Variants in SORCS1 observed in about 807,000 individuals in gnomAD.
The protein encoded by SORCS1 is VPS10 domain-containing receptor SorCS1.
Under a neutral mutation model 146.1 loss-of-function variants are expected in SORCS1, and 60 were observed. The ratio of observed to expected loss-of-function variants is 0.41; its 90% CI spans 0.33 to 0.51. The LOEUF is 0.51. Among genes scored for constraint, SORCS1 ranks in the 20% least tolerant of loss-of-function variants. SORCS1 has a pLI of 0.21. For missense variants in SORCS1, 1,352 were observed against 1,487.6 expected, an observed-to-expected ratio of 0.91 and a Z score of 1.50; for synonymous variants, 637 against 584.0, an observed-to-expected ratio of 1.09 and a Z score of -1.31.
intron 1 of SORCS1, among the ~76,000 whole-genome samples, chr10:107,070,038 A>C (rs958101416): frequency 2.6e-5 from 4 of 152,196 alleles, no homozygotes; most frequent in Non-Finnish European, 4.4e-5. Flanking sequence ...TCTTTGTGGA[A>C]GTGTCTACTC....
intron 17 of SORCS1, among the ~76,000 whole-genome samples, chr10:106,666,136 G>A (rs1053945480): frequency 2.0e-5 from 3 of 152,138 alleles, no homozygotes; most frequent in Non-Finnish European, 2.9e-5. Flanking sequence ...CACTGCACCC[G>A]GCCACTTCTA....
chr10:107,103,077 T>C (rs376777503), intron 1 of SORCS1, among the ~76,000 whole-genome samples: 47 of 152,354 alleles, frequency 3.1e-4, no homozygotes, highest in African/African-American at 1.1e-3. Context: ...ATAGTCACAA[T>C]AAACTCAGGA....
chr10:106,623,348 T>C (rs1018610442), intron 19 of SORCS1, among the ~76,000 whole-genome samples: 2 of 149,304 alleles, frequency 1.3e-5, no homozygotes. Flanking sequence ...GTTCAAGCAA[T>C]CCTCCTGCCT....
chr10:106,845,970 G>C lies in SORCS1; in HGVS notation c.627-16297C>G, dbSNP rs1418871440. Among the ~76,000 whole-genome samples, 2 of 130,434 alleles carry C rather than the reference G, an allele frequency of 1.5e-5. 1 individual carries two copies. Among genetic ancestry groups the C allele is most frequent in the Non-Finnish European group, 3.6e-5 (2 of 55,898 alleles). 85.6% of individuals were successfully genotyped at this position (130,434 alleles called of 152,430 possible). On this transcript the variant is annotated intron_variant, in intron 2 of 25. Transcript: ENST00000263054. ...TCTGTTTTGGTACCAGTACCATGCT[G>C]TTTTAGTTACTGTAGCCTTGTAGCA...
At chr10:106,955,325 G>T (rs1283838668) in intron 2 of SORCS1, among the ~76,000 whole-genome samples, 5 of 152,238 alleles carry the variant, frequency 3.3e-5, no homozygotes, top group Admixed American at 1.3e-4. Context: ...TCATACACCT[G>T]GTCCAGCCAC....
intron 22 of SORCS1, among the ~76,000 whole-genome samples, chr10:106,608,840 C>G (rs1231858216): frequency 6.6e-6 from 1 of 152,190 alleles, no homozygotes; most frequent in Non-Finnish European, 1.5e-5. Flanking sequence ...ATGACAACTT[C>G]AAGAGACCCC....
rs1368173593 is a variant in SORCS1 at position 106,845,982 on chromosome 10, G to C, written c.627-16309C>G. Among the ~76,000 whole-genome samples the C allele has an allele frequency of 1.5e-5, 2 of 130,874 alleles. 1 individual carries two copies. The highest frequency in any genetic ancestry group is 3.6e-5 in the Non-Finnish European group (2 of 56,068). 85.9% of individuals were successfully genotyped at this position (130,874 alleles called of 152,430 possible). ...CCAGTACCATGCTGTTTTAGTTACT[G>C]TAGCCTTGTAGCATAGTTTGCAGTC... On this transcript the variant is annotated intron_variant, in intron 2 of 25. Coordinates refer to ENST00000263054, the MANE Select transcript of SORCS1 (RefSeq NM_052918.5).
At chr10:106,943,797 G>C (rs1054650747) in intron 2 of SORCS1, among the ~76,000 whole-genome samples, 1 of 152,048 alleles carries the variant, frequency 6.6e-6, no homozygotes, top group African/African-American at 2.4e-5. Context: ...GCAACAGAGT[G>C]AGACTCCATC....
At chr10:106,829,455 A>T in intron 3 of SORCS1, 119 bp downstream of exon 3, 1 of 665,354 alleles carries the variant, frequency 1.5e-6, no homozygotes, top group East Asian at 2.5e-5. Context: ...CCATCAACCC[A>T]TCTTTACATT....
chr10:106,981,795 C>T (rs1013952000), intron 1 of SORCS1, among the ~76,000 whole-genome samples: 2 of 152,172 alleles, frequency 1.3e-5, no homozygotes, highest in Non-Finnish European at 2.9e-5. Flanking sequence ...ATATAACAGA[C>T]TGTTTTGTTG....
At chr10:106,748,644 A>G (rs1057149807) in intron 5 of SORCS1, among the ~76,000 whole-genome samples, 2 of 152,096 alleles carry the variant, frequency 1.3e-5, no homozygotes, top group African/African-American at 4.8e-5. Flanking sequence ...ATAATAATGC[A>G]CCTCCATTTG....
At chr10:106,827,762 G>A (rs1343079744) in intron 3 of SORCS1, among the ~76,000 whole-genome samples, 1 of 152,170 alleles carries the variant, frequency 6.6e-6, no homozygotes, top group East Asian at 1.9e-4. Context: ...GGAATGTTTG[G>A]GTGTAGTTCT....
At chr10:107,032,362 C>G (rs1052551572) in intron 1 of SORCS1, among the ~76,000 whole-genome samples, 6 of 152,142 alleles carry the variant, frequency 3.9e-5, no homozygotes, top group African/African-American at 1.2e-4. Context: ...ATCAAGATCC[C>G]CGCAGTGTTC....
At chr10:106,630,435 A>T (rs1848374721) in intron 18 of SORCS1, among the ~76,000 whole-genome samples, 1 of 152,190 alleles carries the variant, frequency 6.6e-6, no homozygotes, top group Non-Finnish European at 1.5e-5. Flanking sequence ...TAACACAGCT[A>T]GTAAGTGGCG....
chr10:106,579,311 C>A (rs771598206), intron 25 of SORCS1, 58 bp downstream of exon 25: 73 of 1,613,818 alleles, frequency 4.5e-5, no homozygotes, highest in Non-Finnish European at 6.2e-5. Context: ...TGCTTCTGAA[C>A]CTGTCAGGGA....
At chr10:107,180,329 T>A in the SORCS1 span, among the ~76,000 whole-genome samples, 1 of 152,170 alleles carries the variant, frequency 6.6e-6, no homozygotes, top group Non-Finnish European at 1.5e-5. Context: ...GTATTATAAT[T>A]TTACACTTTA....
chr10:107,178,591 C>T, the SORCS1 span, among the ~76,000 whole-genome samples: 15 of 152,018 alleles, frequency 9.9e-5, no homozygotes, highest in Admixed American at 6.6e-5. Flanking sequence ...CTCTACTTCC[C>T]GGGTTCAAGC....
chr10:106,951,240 G>A (rs1232979024), intron 2 of SORCS1, among the ~76,000 whole-genome samples: 4 of 152,106 alleles, frequency 2.6e-5, no homozygotes, highest in African/African-American at 4.8e-5. Context: ...GGCCGGGCAC[G>A]GTGGTTAACG....
intron 2 of SORCS1, among the ~76,000 whole-genome samples, chr10:106,926,852 CACACACACACACACAGAGAGAGAGAG>C (rs1953055968): frequency 1.5e-4 from 17 of 116,702 alleles, no homozygotes; most frequent in African/African-American, 4.7e-4. Flanking sequence ...CACACACACA[CACACACACACACACAGAGAGAGAGAG>C]AGAGAGAGAG....
Sources: gnomAD v4.1 joint callset for allele counts (sites outside exome capture counted in the v4.1 genomes callset) on GRCh38, gnomAD v4.1.1 for gene constraint, MANE v1.5 for transcripts, NCBI Gene and HGNC (gene_info 2026-07-23, HGNC 2026-07-21) for gene names.